Variants in IPCEF1 observed in about 807,000 individuals in gnomAD.
IPCEF1 encodes the protein interactor protein for cytohesin exchange factors 1.
IPCEF1 carries 31 observed loss-of-function variants against 50.9 expected under a neutral mutation model. The observed-to-expected ratio is 0.61, with a 90% CI of 0.46 to 0.82. IPCEF1 has a LOEUF of 0.82. IPCEF1 is among the 40% of genes least tolerant of loss of function. The probability of loss-of-function intolerance (pLI) is 0.00; values close to 1 mark genes in which losing one functional copy is unlikely to be tolerated. For synonymous variants in IPCEF1, 181 were observed against 192.0 expected (o/e 0.94, Z 0.47); for missense variants, 458 against 514.0 (o/e 0.89, Z 1.05).
chr6:154,161,187 C>G (rs1798985574), intron 11 of IPCEF1, among the ~76,000 whole-genome samples: 1 of 151,560 alleles, frequency 6.6e-6, no homozygotes, highest in African/African-American at 2.4e-5. Context: ...TCCAGTCTTT[C>G]TTTACCCAAT....
intron 2 of IPCEF1, among the ~76,000 whole-genome samples, chr6:154,288,418 C>A (rs1674298912): frequency 6.6e-6 from 1 of 152,146 alleles, no homozygotes. Flanking sequence ...AATCCCAGCA[C>A]TTTGGGAGGC....
chr6:154,194,074 T>C (rs763268848), intron 10 of IPCEF1, among the ~76,000 whole-genome samples: 3 of 152,198 alleles, frequency 2.0e-5, no homozygotes, highest in Non-Finnish European at 4.4e-5. Flanking sequence ...CCAGGGCAGA[T>C]CACTGTTAAT....
Position 154,225,968 on chromosome 6 carries a change from T to C in IPCEF1, c.247-2725A>G, listed in dbSNP as rs1227155517. On this transcript the variant is annotated intron_variant, in intron 5 of 11. Transcript: ENST00000367220. ...CTTAATTGAACTCTAAGTGACGCTGTAGCTGCTCCCTCCCTCTGGAGCCAC... is the reference window on the plus strand; with the variant it reads ...CTTAATTGAACTCTAAGTGACGCTGCAGCTGCTCCCTCCCTCTGGAGCCAC... 2.6e-5 allele frequency among the ~76,000 whole-genome samples: 4 copies of C among 152,222 alleles called. No homozygotes were observed. In the East Asian group the frequency reaches 7.7e-4, roughly 29 times the overall value.
chr6:154,281,028 C>G (rs1782193316), intron 2 of IPCEF1, among the ~76,000 whole-genome samples: 1 of 151,590 alleles, frequency 6.6e-6, no homozygotes, highest in South Asian at 2.1e-4. Context: ...ACTGAGAATC[C>G]CCATCTCAAC....
At chr6:154,290,893 C>CTTTTTTTTTTTTTTTTTT (rs3045866) in intron 1 of IPCEF1, among the ~76,000 whole-genome samples, 4 of 127,294 alleles carry the variant, frequency 3.1e-5, no homozygotes, top group African/African-American at 1.3e-4. Flanking sequence ...AATATATTGC[C>CTTTTTTTTTTTTTTTTTT]TTTTTTTTTT....
chr6:154,160,536 TAC>T (rs964162577), intron 11 of IPCEF1, among the ~76,000 whole-genome samples: 17 of 152,214 alleles, frequency 1.1e-4, no homozygotes, highest in Non-Finnish European at 2.1e-4. Flanking sequence ...ACAGAATAAA[TAC>T]ACAGATTATC....
intron 2 of IPCEF1, among the ~76,000 whole-genome samples, chr6:154,277,670 C>T (rs1038424065): frequency 8.5e-5 from 13 of 152,166 alleles, no homozygotes; most frequent in African/African-American, 2.4e-4. Flanking sequence ...GACTATCTTA[C>T]GTATAAATTA....
chr6:154,269,977 G>A (rs1389261049), intron 2 of IPCEF1, among the ~76,000 whole-genome samples: 1 of 152,194 alleles, frequency 6.6e-6, no homozygotes, highest in Non-Finnish European at 1.5e-5. Flanking sequence ...AAAGCAGCTT[G>A]TGAGAAAAAT....
At chr6:154,349,707 C>T (rs1030034861) in intron 1 of IPCEF1, among the ~76,000 whole-genome samples, 1 of 152,022 alleles carries the variant, frequency 6.6e-6, no homozygotes, top group African/African-American at 2.4e-5. Flanking sequence ...ATGCAGTTTC[C>T]TTCACAATAG....
chr6:154,216,515 G>T (rs1279458364), intron 7 of IPCEF1, among the ~76,000 whole-genome samples: 1 of 152,148 alleles, frequency 6.6e-6, no homozygotes, highest in African/African-American at 2.4e-5. Context: ...AAAACGATAT[G>T]TTTTTGTATG....
intron 5 of IPCEF1, among the ~76,000 whole-genome samples, chr6:154,238,675 T>C (rs369536565): frequency 2.6e-5 from 4 of 152,124 alleles, no homozygotes; most frequent in South Asian, 4.1e-4. Context: ...TATGAGCACA[T>C]ACTACTGTAT....
At chr6:154,247,066 T>A in intron 4 of IPCEF1, 1 of 398,924 alleles carries the variant, frequency 2.5e-6, no homozygotes, top group South Asian at 5.7e-5. Flanking sequence ...AGAATAGTAT[T>A]CACCAAGAAT....
At chr6:154,268,981 T>G (rs1781828953) in intron 2 of IPCEF1, among the ~76,000 whole-genome samples, 1 of 152,152 alleles carries the variant, frequency 6.6e-6, no homozygotes, top group Non-Finnish European at 1.5e-5. Context: ...TTTTCATCAT[T>G]GTAGTGAATG....
Position 154,183,490 on chromosome 6 carries a change from C to A in IPCEF1, c.911-15377G>T, listed in dbSNP as rs12198177. Among the ~76,000 whole-genome samples, 649 of 152,056 alleles carry A rather than the reference C, an allele frequency of 4.3e-3. 5 individuals carry two copies. Among genetic ancestry groups the A allele is most frequent in the Non-Finnish European group, 4.8e-3 (329 of 67,982 alleles). On this transcript the variant is annotated intron_variant, in intron 10 of 11. Transcript: ENST00000367220. ...CCAAAAATTATATTCTAAATAAAAC[C>A]TGAAAATTAAATTCACAAGATTACC...
At chr6:154,310,175 T>A (rs1393285097) in intron 1 of IPCEF1, among the ~76,000 whole-genome samples, 5 of 152,156 alleles carry the variant, frequency 3.3e-5, no homozygotes, top group Non-Finnish European at 7.3e-5. Flanking sequence ...ATAATACAAG[T>A]GGAGCTCAAC....
intron 2 of IPCEF1, among the ~76,000 whole-genome samples, chr6:154,286,197 G>A (rs989008882): frequency 6.6e-6 from 1 of 152,054 alleles, no homozygotes; most frequent in African/African-American, 2.4e-5. Flanking sequence ...GTCTGGGGGT[G>A]GGGGGTGGCA....
intron 1 of IPCEF1, among the ~76,000 whole-genome samples, chr6:154,347,869 T>C (rs1383972356): frequency 6.6e-6 from 1 of 152,122 alleles, no homozygotes; most frequent in Non-Finnish European, 1.5e-5. Flanking sequence ...TCCATTGAGA[T>C]TGACAGAGGG....
chr6:154,267,828 T>C (rs561206903), intron 2 of IPCEF1, among the ~76,000 whole-genome samples: 2 of 152,126 alleles, frequency 1.3e-5, no homozygotes, highest in Admixed American at 1.3e-4. Flanking sequence ...GTAGTCCCAA[T>C]GTCTCTGCAG....
intron 10 of IPCEF1, among the ~76,000 whole-genome samples, chr6:154,188,110 A>T (rs960482124): frequency 3.3e-4 from 50 of 152,204 alleles, no homozygotes; most frequent in Non-Finnish European, 6.2e-4. Flanking sequence ...TCATATACAT[A>T]AAAAAATTTA....
Sources: allele counts gnomAD v4.1 joint callset (sites outside exome capture counted in the v4.1 genomes callset), GRCh38; gene constraint gnomAD v4.1.1; transcripts MANE v1.5; gene names NCBI Gene and HGNC (gene_info 2026-07-23, HGNC 2026-07-21).